The following ST8SIA2 variants were observed in gnomAD, a reference collection of about 807,000 sequenced individuals.
ST8SIA2 encodes alpha-2,8-sialyltransferase 8B.
ST8SIA2 carries 22 observed loss-of-function variants against 37.6 expected under a neutral mutation model. That is an observed-to-expected ratio of 0.58 (90% CI 0.42 to 0.83). The LOEUF (loss-of-function observed/expected upper bound fraction) is 0.83, where lower values mean the gene tolerates loss of function less well. Ranked by LOEUF, ST8SIA2 falls within the 40% of genes least tolerant of loss-of-function variation. The pLI is 0.00. For missense variants in ST8SIA2, 382 were observed against 484.7 expected (o/e 0.79, Z 1.99); for synonymous variants, 205 against 201.2 (o/e 1.02, Z -0.16).
At chr15:92,404,997 A>G (rs2049497472) in intron 1 of ST8SIA2, among the ~76,000 whole-genome samples, 2 of 152,142 alleles carry the variant, frequency 1.3e-5, no homozygotes, top group Admixed American at 1.3e-4. Flanking sequence ...GTGGTGGCTC[A>G]CCCCTGTAAT....
chr15:92,435,338 G>A (rs2141831942), intron 3 of ST8SIA2, among the ~76,000 whole-genome samples: 1 of 152,302 alleles, frequency 6.6e-6, no homozygotes, highest in South Asian at 2.1e-4. Context: ...GGTTTTGAAG[G>A]ATAATTAGGA....
At chr15:92,419,276 T>C (rs1462387796) in intron 1 of ST8SIA2, among the ~76,000 whole-genome samples, 1 of 150,732 alleles carries the variant, frequency 6.6e-6, no homozygotes, top group East Asian at 1.9e-4. Flanking sequence ...GGGGGTGGAG[T>C]GAGGAAACAG....
At chr15:92,430,585 C>T (rs118129033) in intron 2 of ST8SIA2, among the ~76,000 whole-genome samples, 3,064 of 152,234 alleles carry the variant, frequency 0.02, 33 homozygotes, top group Non-Finnish European at 0.029. Context: ...ATTGAACGTA[C>T]GCTCCAAATT....
chr15:92,440,668 C>T (rs1453354986), intron 4 of ST8SIA2, among the ~76,000 whole-genome samples: 5 of 152,152 alleles, frequency 3.3e-5, no homozygotes, highest in Non-Finnish European at 5.9e-5. Flanking sequence ...TACAGACTTA[C>T]GTTTGACATC....
chr15:92,400,954 G>C (rs2049465904), intron 1 of ST8SIA2, among the ~76,000 whole-genome samples: 1 of 152,166 alleles, frequency 6.6e-6, no homozygotes, highest in South Asian at 2.1e-4. Context: ...TCATCTCAAA[G>C]ATTTTCCTCA....
intron 1 of ST8SIA2, among the ~76,000 whole-genome samples, chr15:92,413,327 A>T (rs1037674830): frequency 1.3e-5 from 2 of 152,190 alleles, no homozygotes; most frequent in Non-Finnish European, 2.9e-5. Context: ...AGCTGTTGAT[A>T]TGTTTTCATT....
rs115971294 is a variant in ST8SIA2 at position 92,406,168 on chromosome 15, G to A, written c.98+12006G>A. ...TAATACCACAGGAAGGAGCAAGTGA[G>A]GTGGATTCCAGGAGGCTTGAGATGC... On this transcript the variant is annotated intron_variant, in intron 1 of 5. Transcript: ENST00000268164. 9.0e-3 allele frequency among the ~76,000 whole-genome samples: 1,378 copies of A among 152,338 alleles called. 22 individuals are homozygous for A. Among genetic ancestry groups the A allele is most frequent in the African/African-American group, 0.031 (1,272 of 41,584 alleles).
intron 1 of ST8SIA2, among the ~76,000 whole-genome samples, chr15:92,420,683 A>G (rs562146743): frequency 6.6e-6 from 1 of 152,268 alleles, no homozygotes; most frequent in African/African-American, 2.4e-5. Context: ...CAATAAGGAG[A>G]GCTCAGGAGT....
chr15:92,406,054 A>G (rs1326173072), intron 1 of ST8SIA2, among the ~76,000 whole-genome samples: 1 of 152,176 alleles, frequency 6.6e-6, no homozygotes, highest in Non-Finnish European at 1.5e-5. Context: ...CTGAAAAGAA[A>G]AGAGTCCGAG....
At chr15:92,406,925 C>T (rs1261602717) in intron 1 of ST8SIA2, among the ~76,000 whole-genome samples, 5 of 145,580 alleles carry the variant, frequency 3.4e-5, no homozygotes, top group Non-Finnish European at 7.5e-5. Context: ...ACCTGGGAGG[C>T]GGAGGTTGCA....
chr15:92,408,334 TCTCCCC>T (rs1285653722), intron 1 of ST8SIA2, among the ~76,000 whole-genome samples: 6 of 152,158 alleles, frequency 3.9e-5, no homozygotes, highest in Admixed American at 2.6e-4. Context: ...CTCTGGCACA[TCTCCCC>T]ACACCATGTT....
chr15:92,407,434 T>A (rs1277377707), intron 1 of ST8SIA2, among the ~76,000 whole-genome samples: 1 of 152,218 alleles, frequency 6.6e-6, no homozygotes, highest in Non-Finnish European at 1.5e-5. Flanking sequence ...TGAAGGAAAT[T>A]TCTAGAGAAA....
At chr15:92,403,424 T>C (rs145146838) in intron 1 of ST8SIA2, among the ~76,000 whole-genome samples, 5 of 152,274 alleles carry the variant, frequency 3.3e-5, no homozygotes, top group Non-Finnish European at 5.9e-5. Flanking sequence ...TTTGAGACGA[T>C]AGAATAGACT....
chr15:92,459,620 A>G (rs1477301820), intron 5 of ST8SIA2, among the ~76,000 whole-genome samples: 1 of 152,120 alleles, frequency 6.6e-6, no homozygotes, highest in African/African-American at 2.4e-5. Flanking sequence ...TGTTTTTGAG[A>G]TGGAGTCTCG....
At chr15:92,406,496 G>A (rs574273903) in intron 1 of ST8SIA2, among the ~76,000 whole-genome samples, 17 of 152,302 alleles carry the variant, frequency 1.1e-4, no homozygotes, top group African/African-American at 3.4e-4. Context: ...TAGACCTGCC[G>A]AATCTGAATC....
In ST8SIA2 at chr15:92,394,126, T is replaced by C; in HGVS notation, c.62T>C (p.Ile21Thr). Residue 21 changes from isoleucine to threonine, a missense_variant, in exon 1 of 6, where the codon ATC (isoleucine) becomes ACC (threonine). Coordinates refer to ENST00000268164, the MANE Select transcript of ST8SIA2 (RefSeq NM_006011.4). ...CTCACGCTGCTCGTGGTCTTCCTCA[T>C]CTTCGCAGACATCTCAGAGATCGAA... ...AALTLLVVFL[I>T]FADISEIEEE... 6.4e-7 allele frequency: 1 copy of C among 1,560,628 alleles called. No individual in the cohort carries two copies. The highest frequency in any genetic ancestry group is 8.7e-7 in the Non-Finnish European group (1 of 1,151,312).
At chr15:92,442,879 A>G (rs574959909) in intron 4 of ST8SIA2, among the ~76,000 whole-genome samples, 1 of 151,646 alleles carries the variant, frequency 6.6e-6, no homozygotes, top group African/African-American at 2.4e-5. Context: ...CCTGATCTTG[A>G]CTCCTGGTGG....
chr15:92,466,233 T>G lies in ST8SIA2; in HGVS notation c.*1848T>G, dbSNP rs1172557259. 6.6e-6 allele frequency: 1 copy of G among 152,208 alleles called. No homozygotes were observed. Among genetic ancestry groups the G allele is most frequent in the East Asian group, 1.9e-4 (1 of 5,202 alleles). 9.4% of individuals were successfully genotyped at this position (152,208 alleles called of 1,614,324 possible). On this transcript the variant is annotated 3_prime_UTR_variant, in exon 6 of 6. Transcript: ENST00000268164. Reference sequence around the variant, plus strand: ...GGGGATTTGCGTTATAAAATGAATATTTTAAAAAGCAACAGCCCTAATAGC... The same window carrying G: ...GGGGATTTGCGTTATAAAATGAATAGTTTAAAAAGCAACAGCCCTAATAGC...
intron 1 of ST8SIA2, among the ~76,000 whole-genome samples, chr15:92,419,058 G>A (rs1212422479): frequency 6.6e-6 from 1 of 152,092 alleles, no homozygotes; most frequent in Admixed American, 6.5e-5. Flanking sequence ...AGGTCTCTCC[G>A]GGGCCACGTG....
Sources: allele counts gnomAD v4.1 joint callset (sites outside exome capture counted in the v4.1 genomes callset), GRCh38; gene constraint gnomAD v4.1.1; transcripts MANE v1.5; gene names NCBI Gene and HGNC (gene_info 2026-07-23, HGNC 2026-07-21).